TAS2R1: variants seen among roughly 807,000 people sequenced by gnomAD.
TAS2R1 encodes taste 2 receptor member 1.
For missense variants in TAS2R1, 370 were observed against 353.4 expected, an observed-to-expected ratio of 1.05 and a Z score of -0.38; for synonymous variants, 141 against 134.2, an observed-to-expected ratio of 1.05 and a Z score of -0.35.
the TAS2R1 span, among the ~76,000 whole-genome samples, chr5:9,778,525 A>G: frequency 6.6e-6 from 1 of 152,238 alleles, no homozygotes; most frequent in East Asian, 1.9e-4. Flanking sequence ...TTCTTCCAAT[A>G]CAAGGTTGTT....
intron 1 of TAS2R1, among the ~76,000 whole-genome samples, chr5:9,703,514 G>A (rs1294251015): frequency 6.6e-6 from 1 of 152,042 alleles, no homozygotes; most frequent in Admixed American, 6.6e-5. Flanking sequence ...GAGAGAAGAG[G>A]GGGACTGTAC....
chr5:9,694,011 C>A (rs191598694), intron 1 of TAS2R1, among the ~76,000 whole-genome samples: 1 of 152,246 alleles, frequency 6.6e-6, no homozygotes. Context: ...GAAGAACGAG[C>A]TTTTTAGTTT....
At chr5:9,680,772 G>A (rs528889865) in intron 1 of TAS2R1, among the ~76,000 whole-genome samples, 1 of 152,282 alleles carries the variant, frequency 6.6e-6, no homozygotes, top group South Asian at 2.1e-4. Flanking sequence ...TGGTATCATG[G>A]CTGGGCATGG....
chr5:9,824,272 T>C, the TAS2R1 span, among the ~76,000 whole-genome samples: 7 of 152,332 alleles, frequency 4.6e-5, no homozygotes, highest in African/African-American at 1.7e-4. Flanking sequence ...TCTCCAGTAG[T>C]CCCCAAAATG....
chr5:9,823,726 C>T, the TAS2R1 span, among the ~76,000 whole-genome samples: 19 of 146,062 alleles, frequency 1.3e-4, no homozygotes, highest in Admixed American at 2.7e-4. Context: ...GACAGATGGA[C>T]GGAGGGAGGA....
the TAS2R1 span, among the ~76,000 whole-genome samples, chr5:9,812,152 C>T: frequency 6.6e-6 from 1 of 152,064 alleles, no homozygotes; most frequent in African/African-American, 2.4e-5. Flanking sequence ...CACCCCCCTG[C>T]CCCACCCAAT....
chr5:9,770,569 T>G, the TAS2R1 span, among the ~76,000 whole-genome samples: 1 of 152,212 alleles, frequency 6.6e-6, no homozygotes, highest in Admixed American at 6.5e-5. Flanking sequence ...TTACACTTTT[T>G]GTGTGTCCTC....
intron 2 of TAS2R1, among the ~76,000 whole-genome samples, chr5:9,639,200 G>A (rs752270649): frequency 1.2e-4 from 18 of 152,118 alleles, no homozygotes; most frequent in South Asian, 2.1e-4. Context: ...TGACCCCTCC[G>A]CAGTTGTATT....
At chr5:9,758,978 A>G in the TAS2R1 span, among the ~76,000 whole-genome samples, 1 of 152,192 alleles carries the variant, frequency 6.6e-6, no homozygotes, top group Admixed American at 6.5e-5. Flanking sequence ...TGCCCAGAAC[A>G]TGCAGCTGGA....
chr5:9,668,095 G>GA (rs1351802938), intron 1 of TAS2R1, among the ~76,000 whole-genome samples: 2 of 152,092 alleles, frequency 1.3e-5, no homozygotes, highest in Non-Finnish European at 2.9e-5. Flanking sequence ...TGATAGAGTT[G>GA]AAAAAATCAC....
At chr5:9,824,564 T>C in the TAS2R1 span, among the ~76,000 whole-genome samples, 285 of 152,294 alleles carry the variant, frequency 1.9e-3, 2 homozygotes, top group African/African-American at 6.5e-3. Flanking sequence ...GGTCCGCCTA[T>C]GGCTCACTGC....
chr5:9,739,302 G>A, the TAS2R1 span, among the ~76,000 whole-genome samples: 55 of 152,152 alleles, frequency 3.6e-4, 1 homozygote, highest in Non-Finnish European at 2.5e-4. Flanking sequence ...TGGTCCCTCC[G>A]TCACCTTCCC....
the TAS2R1 span, among the ~76,000 whole-genome samples, chr5:9,863,562 G>A: frequency 6.6e-6 from 1 of 152,146 alleles, no homozygotes; most frequent in East Asian, 1.9e-4. Context: ...ACCGCACCTA[G>A]CCAGGCCCAA....
At chr5:9,632,625 A>C (rs1739891069), upstream of TAS2R1, among the ~76,000 whole-genome samples, 1 of 152,226 alleles carries the variant, frequency 6.6e-6, no homozygotes, top group African/African-American at 2.4e-5. Context: ...TCATTTCAAC[A>C]ATGTTCACAA....
the TAS2R1 span, among the ~76,000 whole-genome samples, chr5:9,809,825 T>A: frequency 1.3e-5 from 2 of 152,218 alleles, no homozygotes; most frequent in African/African-American, 4.8e-5. Context: ...TTTGTATTCC[T>A]TCTTAGAGCC....
chr5:9,636,825 G>T (rs1171522048), intron 2 of TAS2R1, among the ~76,000 whole-genome samples: 1 of 152,024 alleles, frequency 6.6e-6, no homozygotes, highest in African/African-American at 2.4e-5. Flanking sequence ...TACGGGCTGG[G>T]TGAGTCTCTT....
the TAS2R1 span, among the ~76,000 whole-genome samples, chr5:9,855,648 C>T: frequency 2.0e-5 from 3 of 152,194 alleles, no homozygotes; most frequent in African/African-American, 7.2e-5. Flanking sequence ...AGAGAGATGC[C>T]TCCAAGTTTT....
chr5:9,660,233 T>A lies in TAS2R1; in HGVS notation c.-241-652A>T, dbSNP rs868538102. On this transcript the variant is annotated intron_variant, in intron 1 of 2. Transcript: ENST00000506620. ...GCCACCGCTCCCGGCTAATTTTTTT[T>A]TTTTTTTTTTTTTTTTGTATTTTTA... Among the ~76,000 whole-genome samples the A allele has an allele frequency of 8.5e-3, 1,198 of 140,436 alleles. 15 individuals are homozygous for A. The highest frequency in any genetic ancestry group is 0.029 in the African/African-American group (1,099 of 37,742). 92.1% of individuals were successfully genotyped at this position (140,436 alleles called of 152,430 possible).
the TAS2R1 span, among the ~76,000 whole-genome samples, chr5:9,876,025 G>C: frequency 6.6e-6 from 1 of 152,084 alleles, no homozygotes; most frequent in African/African-American, 2.4e-5. Context: ...AACTATGGTA[G>C]AGACTGGAAA....
Sources: gnomAD v4.1 joint callset for allele counts (sites outside exome capture counted in the v4.1 genomes callset) on GRCh38, gnomAD v4.1.1 for gene constraint, MANE v1.5 for transcripts, NCBI Gene and HGNC (gene_info 2026-07-23, HGNC 2026-07-21) for gene names.